Variants in CDH7 observed in about 807,000 individuals in gnomAD.
CDH7 encodes cadherin 7, also known as cadherin-7.
CDH7 carries 25 observed loss-of-function variants against 71.8 expected under a neutral mutation model. The ratio of observed to expected loss-of-function variants is 0.35; its 90% CI spans 0.25 to 0.49. CDH7 has a LOEUF of 0.49. Among genes scored for constraint, CDH7 ranks in the 20% least tolerant of loss-of-function variants. The pLI, the probability that CDH7 is intolerant of heterozygous loss-of-function variation, is 0.99. For missense variants in CDH7, 862 were observed against 974.6 expected, an observed-to-expected ratio of 0.88 and a Z score of 1.54; for synonymous variants, 381 against 363.8, an observed-to-expected ratio of 1.05 and a Z score of -0.54.
intron 2 of CDH7, among the ~76,000 whole-genome samples, chr18:65,770,015 G>A (rs1168510636): frequency 6.6e-6 from 1 of 152,070 alleles, no homozygotes; most frequent in Non-Finnish European, 1.5e-5. Context: ...ATTACAGATG[G>A]GAATAAATAC....
intron 7 of CDH7, among the ~76,000 whole-genome samples, chr18:65,846,535 C>A (rs554271362): frequency 6.6e-6 from 1 of 152,104 alleles, no homozygotes; most frequent in Non-Finnish European, 1.5e-5. Context: ...AGTTTTTACA[C>A]GATTTTCATA....
At chr18:65,830,356 A>C (rs1912292566) in intron 6 of CDH7, among the ~76,000 whole-genome samples, 1 of 152,232 alleles carries the variant, frequency 6.6e-6, no homozygotes, top group African/African-American at 2.4e-5. Flanking sequence ...GTAGAAAATT[A>C]AAATATTTGC....
chr18:65,785,612 A>T (rs1428395534), intron 2 of CDH7, among the ~76,000 whole-genome samples: 1 of 152,068 alleles, frequency 6.6e-6, no homozygotes, highest in Non-Finnish European at 1.5e-5. Flanking sequence ...AAGAAAAAAA[A>T]ACTAAGTGAC....
In CDH7 at chr18:65,794,600, A is replaced by C. The variant is rs143212306; in HGVS notation, c.211-15104A>C. Reference sequence around the variant, plus strand: ...GGGACAAGGAGGGGTTAGAAAAAAAAAAAAACCTGAAAATTTAGTTGTTTT... The same window carrying C: ...GGGACAAGGAGGGGTTAGAAAAAAACAAAAACCTGAAAATTTAGTTGTTTT... On this transcript the variant is annotated intron_variant, in intron 2 of 11. Coordinates refer to ENST00000397968, the MANE Select transcript of CDH7 (RefSeq NM_004361.5). Among the ~76,000 whole-genome samples the C allele has an allele frequency of 1.6e-3, 247 of 152,074 alleles. 1 individual carries two copies. The highest frequency in any genetic ancestry group is 5.8e-3 in the African/African-American group (241 of 41,494).
intron 11 of CDH7, chr18:65,866,331 C>CAAAAAAAAAAAAAAAA (rs1291511991): frequency 7.7e-4 from 2 of 2,604 alleles, no homozygotes; most frequent in African/African-American, 1.8e-3. Flanking sequence ...AAAAAAAAAA[C>CAAAAAAAAAAAAAAAA]AAAAAAAAAA....
intron 2 of CDH7, among the ~76,000 whole-genome samples, chr18:65,779,024 T>C (rs1282278585): frequency 6.6e-6 from 1 of 151,556 alleles, no homozygotes; most frequent in Non-Finnish European, 1.5e-5. Context: ...TTTCTTTCAA[T>C]GTAGCCCTTT....
In CDH7 at chr18:65,885,368, C is replaced by CTTTTTTTTTT. The variant is rs1914341049; in HGVS notation, c.*4475_*4476insTTTTTTTTTT. 1 of 29,236 alleles carries CTTTTTTTTTT rather than the reference C, an allele frequency of 3.4e-5. No homozygotes were observed. 1.8% of individuals were successfully genotyped at this position (29,236 alleles called of 1,614,324 possible). A position where few individuals can be genotyped will look rare whatever the true frequency, so the allele number is the denominator to read the frequency against. ...GAATGTAACTGAAAAGGATGTGTGCCTGTGTTTTTTTTTTTTTTTTTTTTT... is the reference window on the plus strand; with the variant it reads ...GAATGTAACTGAAAAGGATGTGTGCCTTTTTTTTTTTGTGTTTTTTTTTTTTTTTTTTTTT... On this transcript the variant is annotated 3_prime_UTR_variant, in exon 12 of 12. Coordinates refer to ENST00000397968, the MANE Select transcript of CDH7 (RefSeq NM_004361.5).
At chr18:65,790,037 G>T (rs1042566003) in intron 2 of CDH7, among the ~76,000 whole-genome samples, 2 of 151,660 alleles carry the variant, frequency 1.3e-5, no homozygotes, top group African/African-American at 4.8e-5. Context: ...AGAACATCCT[G>T]GCTAACATGG....
At chr18:65,765,903 T>C (rs1294163409) in intron 2 of CDH7, among the ~76,000 whole-genome samples, 3 of 152,148 alleles carry the variant, frequency 2.0e-5, no homozygotes, top group Non-Finnish European at 4.4e-5. Flanking sequence ...AATTCAATTC[T>C]GTTACTCAAT....
intron 2 of CDH7, among the ~76,000 whole-genome samples, chr18:65,788,215 G>C (rs2143850599): frequency 6.6e-6 from 1 of 152,244 alleles, no homozygotes; most frequent in Admixed American, 6.5e-5. Context: ...GGGCTAAAAT[G>C]AATATCCTGA....
At chr18:65,762,092 A>G (rs1916207255) in intron 1 of CDH7, among the ~76,000 whole-genome samples, 1 of 152,222 alleles carries the variant, frequency 6.6e-6, no homozygotes, top group Non-Finnish European at 1.5e-5. Flanking sequence ...TCAAATCAGA[A>G]CACATCAAAA....
At chr18:65,840,062 T>C (rs1053046794) in intron 6 of CDH7, among the ~76,000 whole-genome samples, 3 of 152,204 alleles carry the variant, frequency 2.0e-5, no homozygotes, top group Non-Finnish European at 2.9e-5. Flanking sequence ...TATTTATTCA[T>C]TTTCATGTGG....
At chr18:65,876,312 G>A (rs1223577066) in intron 11 of CDH7, among the ~76,000 whole-genome samples, 2 of 152,140 alleles carry the variant, frequency 1.3e-5, no homozygotes, top group Non-Finnish European at 2.9e-5. Flanking sequence ...TTTTACTGCT[G>A]TAATAGCACT....
intron 2 of CDH7, among the ~76,000 whole-genome samples, chr18:65,802,825 G>A (rs1049419647): frequency 2.6e-5 from 4 of 152,164 alleles, no homozygotes; most frequent in Non-Finnish European, 5.9e-5. Flanking sequence ...AGTGAATGTA[G>A]CTGTGTGGAA....
intron 1 of CDH7, among the ~76,000 whole-genome samples, chr18:65,752,048 C>T (rs1482836530): frequency 6.6e-6 from 1 of 152,234 alleles, no homozygotes; most frequent in African/African-American, 2.4e-5. Flanking sequence ...CTTTGGAGAT[C>T]TGCAAATTGA....
chr18:65,783,077 C>G (rs1047235857), intron 2 of CDH7, among the ~76,000 whole-genome samples: 1 of 152,208 alleles, frequency 6.6e-6, no homozygotes, highest in East Asian at 1.9e-4. Context: ...AGATGTTATG[C>G]TGCTCTGTGT....
chr18:65,752,997 C>G (rs748691658), intron 1 of CDH7, among the ~76,000 whole-genome samples: 2 of 152,124 alleles, frequency 1.3e-5, no homozygotes, highest in Admixed American at 6.5e-5. Flanking sequence ...TAGCACAGAG[C>G]TTTTTCCTTT....
At chr18:65,796,570 A>G (rs921821931) in intron 2 of CDH7, among the ~76,000 whole-genome samples, 3 of 152,130 alleles carry the variant, frequency 2.0e-5, no homozygotes, top group Admixed American at 6.5e-5. Flanking sequence ...AGATGTACAG[A>G]GTTTCGGGAA....
chr18:65,808,407 A>G (rs2143902374), intron 2 of CDH7, among the ~76,000 whole-genome samples: 1 of 152,314 alleles, frequency 6.6e-6, no homozygotes, highest in East Asian at 1.9e-4. Context: ...CCTTTTCCCT[A>G]CACTGAATAA....
Sources: gnomAD v4.1 joint callset for allele counts (sites outside exome capture counted in the v4.1 genomes callset) on GRCh38, gnomAD v4.1.1 for gene constraint, MANE v1.5 for transcripts, NCBI Gene and HGNC (gene_info 2026-07-23, HGNC 2026-07-21) for gene names.